Variants in ST3GAL4 observed in about 807,000 individuals in gnomAD.
The protein encoded by ST3GAL4 is ST3 beta-galactoside alpha-2,3-sialyltransferase 4, also known as CMP-N-acetylneuraminate-beta-galactosamide-alpha-2,3-sialyltransferase 4.
Under a neutral mutation model 42.6 loss-of-function variants are expected in ST3GAL4, and 24 were observed. That is an observed-to-expected ratio of 0.56 (90% CI 0.41 to 0.79). ST3GAL4 has a LOEUF of 0.79. Among genes scored for constraint, ST3GAL4 ranks in the 30% least tolerant of loss-of-function variants. The pLI is 0.00. For missense variants in ST3GAL4, 311 were observed against 430.8 expected, an observed-to-expected ratio of 0.72 and a Z score of 2.46; for synonymous variants, 135 against 163.2, an observed-to-expected ratio of 0.83 and a Z score of 1.32.
chr11:126,390,910 T>G (rs1953487975), intron 1 of ST3GAL4, among the ~76,000 whole-genome samples: 1 of 152,238 alleles, frequency 6.6e-6, no homozygotes, highest in Admixed American at 6.5e-5. Flanking sequence ...TTGACTACTT[T>G]AAGTATCTAT....
chr11:126,379,063 C>G lies in ST3GAL4; in HGVS notation c.-61+23221C>G, dbSNP rs1436006693. ...TCTGTTGCTTCTTCCAAGAGCTACA[C>G]TGGTTGATCATAAATATCAGCCAAC... On this transcript the variant is annotated intron_variant, in intron 1 of 10. Transcript: ENST00000444328. The surrounding 1 kb of genome is among the most constrained non-coding windows in gnomAD (Gnocchi z 4.2). 6.6e-6 allele frequency among the ~76,000 whole-genome samples: 1 copy of G among 152,246 alleles called. No individual in the cohort carries two copies. Among genetic ancestry groups the G allele is most frequent in the East Asian group, 1.9e-4 (1 of 5,202 alleles).
rs12276289 is a variant in ST3GAL4, at chr11:126,396,730, A to G, written c.-60-9366A>G. ...TGGTTTTAGAAGCCGTAGGATGTGG[A>G]GGTTCTGGCTGAAGGAGCCAGAATT... On this transcript the variant is annotated intron_variant, in intron 1 of 10. Transcript: ENST00000444328. The surrounding 1 kb of genome is among the most constrained non-coding windows in gnomAD (Gnocchi z 5.8). Among the ~76,000 whole-genome samples, 3,827 of 136,922 alleles carry G rather than the reference A, an allele frequency of 0.028. 91 individuals carry two copies. The highest frequency in any genetic ancestry group is 0.1 in the East Asian group (373 of 3,738). The allele number at this position is 136,922 out of a possible 152,430, so 89.8% of individuals were successfully genotyped here. A position where few individuals can be genotyped will look rare whatever the true frequency, so the allele number is the denominator to read the frequency against.
chr11:126,387,225 A>G (rs188019822), intron 1 of ST3GAL4, among the ~76,000 whole-genome samples: 73 of 152,322 alleles, frequency 4.8e-4, no homozygotes, highest in Middle Eastern at 3.4e-3. Context: ...AATCCCATTT[A>G]CCCAAAAGAA....
rs995777841 is a variant in ST3GAL4 at position 126,398,343 on chromosome 11, A to G, written c.-60-7753A>G. On this transcript the variant is annotated intron_variant, in intron 1 of 10. Coordinates refer to ENST00000444328, the MANE Select transcript of ST3GAL4 (RefSeq NM_001254757.2). The surrounding 1 kb of genome is among the most constrained non-coding windows in gnomAD (Gnocchi z 4.7). ...GCAGGGGGAACAATACCAAATCCCA[A>G]CTTGACAATAATCTTCTTTGACTCC... Among the ~76,000 whole-genome samples the G allele has an allele frequency of 3.3e-5, 5 of 152,212 alleles. No homozygotes were observed. The highest frequency in any genetic ancestry group is 7.2e-5 in the African/African-American group (3 of 41,452).
chr11:126,401,020 A>G (rs897186718), intron 1 of ST3GAL4, among the ~76,000 whole-genome samples: 1 of 152,020 alleles, frequency 6.6e-6, no homozygotes, highest in Admixed American at 6.6e-5. Context: ...GACTGGGTTG[A>G]TAATATGGGG....
chr11:126,368,759 T>C (rs544657397), intron 1 of ST3GAL4, among the ~76,000 whole-genome samples: 1 of 152,322 alleles, frequency 6.6e-6, no homozygotes, highest in Admixed American at 6.5e-5. Flanking sequence ...TCTGCCAGCT[T>C]CCCCTGGGGT....
intron 6 of ST3GAL4, among the ~76,000 whole-genome samples, chr11:126,407,852 A>AC (rs916016535): frequency 1.3e-5 from 2 of 150,480 alleles, no homozygotes; most frequent in South Asian, 2.1e-4. Flanking sequence ...TCATTGATAC[A>AC]CCCCCCCATG....
rs534753740 is a variant in ST3GAL4 at position 126,362,476 on chromosome 11, T to C, written c.-61+6634T>C. 9.0e-4 allele frequency among the ~76,000 whole-genome samples: 137 copies of C among 152,264 alleles called. 1 individual carries two copies. The highest frequency in any genetic ancestry group is 1.7e-3 in the Non-Finnish European group (117 of 68,020). On this transcript the variant is annotated intron_variant, in intron 1 of 10. Coordinates refer to ENST00000444328, the MANE Select transcript of ST3GAL4 (RefSeq NM_001254757.2). ...TCGGCCTCCCAAAGTGTTGGGATTATAGGTGTGAACTACCGTGCTCCGCCT... is the reference window on the plus strand; with the variant it reads ...TCGGCCTCCCAAAGTGTTGGGATTACAGGTGTGAACTACCGTGCTCCGCCT...
intron 1 of ST3GAL4, among the ~76,000 whole-genome samples, chr11:126,405,234 A>G (rs749997681): frequency 1.3e-5 from 2 of 152,334 alleles, no homozygotes; most frequent in African/African-American, 2.4e-5. Flanking sequence ...GAAGCTACAG[A>G]AATGTCTTCT....
chr11:126,407,732 C>T, intron 6 of ST3GAL4, 98 bp downstream of exon 6: 1 of 1,215,814 alleles, frequency 8.2e-7, no homozygotes. Context: ...GTGAAACAGT[C>T]ATGGACTGGT....
At position 126,392,530 on chromosome 11, in the gene ST3GAL4, C is replaced by CA. The variant is rs1953558798; in HGVS notation, c.-60-13565dup. Among the ~76,000 whole-genome samples, 1 of 152,194 alleles carries CA rather than the reference C, an allele frequency of 6.6e-6. No individual in the cohort carries two copies. Among genetic ancestry groups the CA allele is most frequent in the Admixed American group, 6.5e-5 (1 of 15,282 alleles). ...GCAAGCCCCTTGTGCCTTAGATGCC[C>CA]AGGTCTTTTCAGAATAAGCCTGGCT... is the stretch of plus-strand genomic sequence containing the variant. On this transcript the variant is annotated intron_variant, in intron 1 of 10. Transcript: ENST00000444328. The surrounding 1 kb of genome is among the most constrained non-coding windows in gnomAD (Gnocchi z 5.8).
Position 126,410,707 on chromosome 11 carries a change from A to C in ST3GAL4, c.771+1296A>C, listed in dbSNP as rs1954489658. 6.6e-6 allele frequency among the ~76,000 whole-genome samples: 1 copy of C among 152,160 alleles called. No homozygotes were observed. The highest frequency in any genetic ancestry group is 2.4e-5 in the African/African-American group (1 of 41,440). ...TGTGACTGCTCAATGCCAGGCCCCG[A>C]GTCTTCTTGCTTGGCGAGGAAGTTG... On this transcript the variant is annotated intron_variant, in intron 9 of 10. Coordinates refer to ENST00000444328, the MANE Select transcript of ST3GAL4 (RefSeq NM_001254757.2). The surrounding 1 kb of genome is among the most constrained non-coding windows in gnomAD (Gnocchi z 5.3).
At position 126,406,382 on chromosome 11, in the gene ST3GAL4, G is replaced by T; in HGVS notation, c.17-91G>T. The T allele has an allele frequency of 2.5e-6, 4 of 1,601,134 alleles. No homozygotes were observed. On this transcript the variant is annotated intron_variant, in intron 2 of 10. Coordinates refer to ENST00000444328, the MANE Select transcript of ST3GAL4 (RefSeq NM_001254757.2). This position sits in a 1 kb window ranked among gnomAD's most constrained non-coding sequence, Gnocchi z 5.4. Reference sequence around the variant, plus strand: ...GACTGCTTCTGTTGAGTTAGGGGTCGGAGGGACTCAGAAGGGGGCAGGTGG... The same window carrying T: ...GACTGCTTCTGTTGAGTTAGGGGTCTGAGGGACTCAGAAGGGGGCAGGTGG...
Position 126,408,179 on chromosome 11 carries a change from A to G in ST3GAL4, c.422A>G (p.Tyr141Cys). ...TCACTGGGAGATGCCATCAACAAGT[A>G]CGATGTGGTCATCAGGTGTGTGTGA... ...NSSLGDAINK[Y>C]DVVIRLNNAP... The change falls in exon 7 of 11, where the codon TAC becomes TGC. Residue 141 changes from tyrosine to cysteine, a missense_variant. Physicochemically the swap from Tyr to Cys is radical, Grantham distance 194. Transcript: ENST00000444328. The G allele has an allele frequency of 1.2e-6, 2 of 1,614,144 alleles. No homozygotes were observed. The highest frequency in any genetic ancestry group is 1.7e-6 in the Non-Finnish European group (2 of 1,180,006).
intron 1 of ST3GAL4, among the ~76,000 whole-genome samples, chr11:126,395,920 C>G (rs1326484181): frequency 6.6e-6 from 1 of 152,142 alleles, no homozygotes; most frequent in Non-Finnish European, 1.5e-5. Flanking sequence ...GAGGTGCTGG[C>G]CAGTAGAGCA....
chr11:126,409,354 G>T lies in ST3GAL4; in HGVS notation c.714G>T (p.Glu238Asp). 1.2e-6 allele frequency: 2 copies of T among 1,614,196 alleles called. No individual in the cohort carries two copies. Among genetic ancestry groups the T allele is most frequent in the Non-Finnish European group, 1.7e-6 (2 of 1,180,048 alleles). The change falls in exon 9 of 11, where the codon GAG becomes GAT. Residue 238 changes from glutamate to aspartate, a missense_variant. Glu to Asp is a conservative substitution (Grantham distance 45). Coordinates refer to ENST00000444328, the MANE Select transcript of ST3GAL4 (RefSeq NM_001254757.2). The surrounding 1 kb of genome is among the most constrained non-coding windows in gnomAD (Gnocchi z 4.9). Reference protein sequence around the residue: ...QIRILNPFFMEIAADKLLSLP... With the variant: ...QIRILNPFFMDIAADKLLSLP... ...GGATTCTCAACCCCTTCTTCATGGA[G>T]ATTGCAGCTGACAAACTGCTGAGCC...
At chr11:126,377,703 T>C (rs1456660242) in intron 1 of ST3GAL4, among the ~76,000 whole-genome samples, 1 of 152,096 alleles carries the variant, frequency 6.6e-6, no homozygotes, top group Non-Finnish European at 1.5e-5. Flanking sequence ...CTCAGACTCT[T>C]GACCTCAGGT....
At chr11:126,388,670 T>G (rs962395941) in intron 1 of ST3GAL4, among the ~76,000 whole-genome samples, 11 of 140,136 alleles carry the variant, frequency 7.8e-5, no homozygotes, top group African/African-American at 2.6e-4. Context: ...GTTTTTTTTT[T>G]TTTTTTTTTT....
chr11:126,369,975 C>T (rs772592763), intron 1 of ST3GAL4, among the ~76,000 whole-genome samples: 1 of 152,228 alleles, frequency 6.6e-6, no homozygotes, highest in Non-Finnish European at 1.5e-5. Context: ...CATCAGCATG[C>T]ATCGATTTGC....
Sources: gnomAD v4.1 joint callset for allele counts (sites outside exome capture counted in the v4.1 genomes callset) on GRCh38, gnomAD v4.1.1 for gene constraint, Gnocchi (gnomAD v3.1) non-coding constraint, MANE v1.5 for transcripts, NCBI Gene and HGNC (gene_info 2026-07-23, HGNC 2026-07-21) for gene names.